UBE2Q2: variants seen among roughly 807,000 people sequenced by gnomAD.
UBE2Q2 encodes the protein ubiquitin conjugating enzyme E2 Q2.
In UBE2Q2, 54 loss-of-function variants were observed where a neutral mutation model predicts 59.9. The observed-to-expected ratio is 0.90, with a 90% CI of 0.72 to 1.13. The LOEUF (loss-of-function observed/expected upper bound fraction) is 1.13. Ranked by LOEUF, UBE2Q2 falls within the 50% of genes most tolerant of loss-of-function variation. The pLI, the probability that UBE2Q2 is intolerant of heterozygous loss-of-function variation, is 0.00. For synonymous variants in UBE2Q2, 165 were observed against 155.2 expected, an observed-to-expected ratio of 1.06 and a Z score of -0.47; for missense variants, 433 against 441.9, an observed-to-expected ratio of 0.98 and a Z score of 0.18.
chr15:75,844,575 C>A, intron 1 of UBE2Q2: 2 of 1,399,096 alleles, frequency 1.4e-6, no homozygotes, highest in East Asian at 2.6e-5. Context: ...CAGGGCTGCT[C>A]CCCGGAAAGA....
chr15:75,875,151 A>G (rs905115730), intron 5 of UBE2Q2, among the ~76,000 whole-genome samples: 17 of 152,328 alleles, frequency 1.1e-4, no homozygotes, highest in African/African-American at 4.1e-4. Flanking sequence ...CTTTTGCATG[A>G]TGGATACTAT....
intron 4 of UBE2Q2, among the ~76,000 whole-genome samples, chr15:75,870,365 T>C (rs1282782967): frequency 6.6e-6 from 1 of 152,164 alleles, no homozygotes; most frequent in Non-Finnish European, 1.5e-5. Flanking sequence ...TGCGCCACTG[T>C]GCCTGGCTGT....
chr15:75,848,246 C>T (rs1267850747), intron 1 of UBE2Q2, among the ~76,000 whole-genome samples: 3 of 152,126 alleles, frequency 2.0e-5, no homozygotes, highest in Non-Finnish European at 4.4e-5. Flanking sequence ...TGCTTTATAA[C>T]AGGTTTTTGT....
At chr15:75,886,860 C>T (rs1898806203) in intron 9 of UBE2Q2, among the ~76,000 whole-genome samples, 1 of 151,702 alleles carries the variant, frequency 6.6e-6, no homozygotes, top group Non-Finnish European at 1.5e-5. Context: ...GAGAGTCCGT[C>T]TCAAATTTTT....
intron 11 of UBE2Q2, among the ~76,000 whole-genome samples, chr15:75,893,201 TC>T (rs544188716): frequency 1.5e-4 from 23 of 152,140 alleles, no homozygotes; most frequent in Middle Eastern, 3.2e-3. Flanking sequence ...ATTAATAAAA[TC>T]CAGCTGTTTT....
intron 2 of UBE2Q2, among the ~76,000 whole-genome samples, chr15:75,856,317 C>T (rs540534925): frequency 3.6e-4 from 52 of 146,144 alleles, no homozygotes; most frequent in African/African-American, 1.2e-3. Flanking sequence ...CAAATCCCAG[C>T]AGATTTATTT....
At chr15:75,896,899 AT>A in intron 11 of UBE2Q2, 95 bp from the exon 12 acceptor site, 1 of 669,610 alleles carries the variant, frequency 1.5e-6, no homozygotes, top group Non-Finnish European at 2.5e-6. Context: ...TCAGTTTCCC[AT>A]GTTCTTTTAA....
At position 75,846,785 on chromosome 15, in the gene UBE2Q2, A is replaced by C. The variant is rs191131167; in HGVS notation, c.180+2939A>C. On this transcript the variant is annotated intron_variant, in intron 1 of 12. Coordinates refer to ENST00000267938, the MANE Select transcript of UBE2Q2 (RefSeq NM_173469.4). ...TTGTTTTCTTTATACTTACCAAGAA[A>C]CATCCTTATGCAGTTTCTCTAATGT... is the stretch of plus-strand genomic sequence containing the variant. Among the ~76,000 whole-genome samples the C allele has an allele frequency of 1.9e-4, 29 of 152,340 alleles. No individual in the cohort carries two copies. The East Asian group carries it at 2.3e-3, about 12-fold the overall frequency.
chr15:75,874,833 A>G (rs551945951), intron 5 of UBE2Q2, among the ~76,000 whole-genome samples: 1 of 152,312 alleles, frequency 6.6e-6, no homozygotes, highest in South Asian at 2.1e-4. Context: ...AGAGCTATTG[A>G]CCAACTCCGT....
Position 75,880,789 on chromosome 15 carries a change from A to G in UBE2Q2, c.825+1601A>G, listed in dbSNP as rs535969628. Among the ~76,000 whole-genome samples, 5 of 152,298 alleles carry G rather than the reference A, an allele frequency of 3.3e-5. No individual in the cohort carries two copies. The South Asian group carries it at 8.3e-4, about 25-fold the overall frequency. ...GCTGGGATTACAGGCGTGATTTAAT[A>G]TGGATCTGGATGAGATGTAATGGTT... On this transcript the variant is annotated intron_variant, in intron 8 of 12. Coordinates refer to ENST00000267938, the MANE Select transcript of UBE2Q2 (RefSeq NM_173469.4).
intron 6 of UBE2Q2, among the ~76,000 whole-genome samples, chr15:75,877,045 G>A (rs982329907): frequency 6.7e-6 from 1 of 150,116 alleles, no homozygotes; most frequent in Non-Finnish European, 1.5e-5. Context: ...CTGGTGATCC[G>A]AGCTACTCAG....
In UBE2Q2 at chr15:75,843,557, C is replaced by T; in HGVS notation, c.-110C>T. 1 of 836,712 alleles carries T rather than the reference C, an allele frequency of 1.2e-6. No individual in the cohort carries two copies. The highest frequency in any genetic ancestry group is 4.3e-5 in the East Asian group (1 of 23,250). The allele number at this position is 836,712 out of a possible 1,614,324, so 51.8% of individuals were successfully genotyped here. ...ACGAGGCGGAGCCGCGAGAGCGCGG[C>T]CCAGGCCGGCCCCGCGGGGCGGTCG... On this transcript the variant is annotated 5_prime_UTR_variant, in exon 1 of 13. Coordinates refer to ENST00000267938, the MANE Select transcript of UBE2Q2 (RefSeq NM_173469.4).
At position 75,879,081 on chromosome 15, in the gene UBE2Q2, T is replaced by C. The variant is rs763767289; in HGVS notation, c.735-17T>C. Reference sequence around the variant, plus strand: ...CTAACTTTTTATTTGAACTGTTTTTTGTTTTGTAATTCTTAGGGTTGACCC... The same window carrying C: ...CTAACTTTTTATTTGAACTGTTTTTCGTTTTGTAATTCTTAGGGTTGACCC... On this transcript the variant is annotated splice_polypyrimidine_tract_variant and intron_variant, in intron 7 of 12. Transcript: ENST00000267938. The C allele has an allele frequency of 6.5e-7, 1 of 1,528,744 alleles. No individual in the cohort carries two copies. Among genetic ancestry groups the C allele is most frequent in the Admixed American group, 2.3e-5 (1 of 44,024 alleles). 94.7% of individuals were successfully genotyped at this position (1,528,744 alleles called of 1,614,324 possible).
chr15:75,890,371 T>C (rs1012302125), intron 9 of UBE2Q2, 64 bp from the exon 10 acceptor site: 2 of 1,333,356 alleles, frequency 1.5e-6, no homozygotes, highest in African/African-American at 3.0e-5. Context: ...GTAATGGCAC[T>C]TAGAAATTGT....
rs1185462033 is a variant in UBE2Q2 at position 75,883,572 on chromosome 15, G to A, written c.884+148G>A. 4 of 593,702 alleles carry A rather than the reference G, an allele frequency of 6.7e-6. No homozygotes were observed. In the East Asian group the frequency reaches 9.4e-5, roughly 14 times the overall value. The allele number at this position is 593,702 out of a possible 1,614,324, so 36.8% of individuals were successfully genotyped here. Reference sequence around the variant, plus strand: ...CCACCTTGGCCTCCCAAAGTGCTGGGATTACAGGCATGAGGCCACTGTGCC... The same window carrying A: ...CCACCTTGGCCTCCCAAAGTGCTGGAATTACAGGCATGAGGCCACTGTGCC... On this transcript the variant is annotated intron_variant, in intron 9 of 12. Transcript: ENST00000267938.
intron 3 of UBE2Q2, among the ~76,000 whole-genome samples, chr15:75,866,694 G>GT (rs1289861185): frequency 6.6e-6 from 1 of 151,892 alleles, no homozygotes; most frequent in Non-Finnish European, 1.5e-5. Flanking sequence ...GTCACTGTTT[G>GT]TTTTTCTTAA....
intron 11 of UBE2Q2, among the ~76,000 whole-genome samples, chr15:75,896,111 C>G (rs1220607714): frequency 6.6e-6 from 1 of 152,142 alleles, no homozygotes; most frequent in Non-Finnish European, 1.5e-5. Context: ...TAGCATGCAA[C>G]TGTTAGTGAA....
intron 11 of UBE2Q2, among the ~76,000 whole-genome samples, chr15:75,891,397 A>G (rs1280821948): frequency 1.3e-5 from 2 of 152,052 alleles, no homozygotes; most frequent in Non-Finnish European, 2.9e-5. Flanking sequence ...CATGTTATAG[A>G]ACTAATTCCT....
chr15:75,855,490 C>CAAA (rs35784581), intron 2 of UBE2Q2, among the ~76,000 whole-genome samples: 2 of 124,338 alleles, frequency 1.6e-5, no homozygotes, highest in Non-Finnish European at 1.7e-5. Flanking sequence ...TACTCCATCT[C>CAAA]AAAAAAAAAA....
Sources: allele counts gnomAD v4.1 joint callset (sites outside exome capture counted in the v4.1 genomes callset), GRCh38; gene constraint gnomAD v4.1.1; transcripts MANE v1.5; gene names NCBI Gene and HGNC (gene_info 2026-07-23, HGNC 2026-07-21).